Variants in KCNQ1 observed in about 807,000 individuals in gnomAD.
KCNQ1 encodes potassium voltage-gated channel subfamily KQT member 1.
A neutral mutation model predicts 72.4 loss-of-function variants in KCNQ1; 49 were observed. The ratio of observed to expected loss-of-function variants is 0.68; its 90% CI spans 0.54 to 0.86. The LOEUF is 0.86. KCNQ1 is among the 40% of genes least tolerant of loss of function. The pLI is 0.00. For missense variants in KCNQ1, 790 were observed against 945.1 expected, an observed-to-expected ratio of 0.84 and a Z score of 2.15; for synonymous variants, 450 against 412.6, an observed-to-expected ratio of 1.09 and a Z score of -1.10.
Position 2,808,088 on chromosome 11 carries a change from G to A in KCNQ1, c.1794+30051G>A, listed in dbSNP as rs191485053. On this transcript the variant is annotated intron_variant, in intron 15 of 15. Transcript: ENST00000155840. This position sits in a 1 kb window ranked among gnomAD's most constrained non-coding sequence, Gnocchi z 6.0. The stretch of plus-strand genomic sequence containing the variant: ...TGGCAAGTGAAGGCGGCTGCTTCCC[G>A]CCCCTCTCATGGACACCACTGTGGG... Among the ~76,000 whole-genome samples, 114 of 152,308 alleles carry A rather than the reference G, an allele frequency of 7.5e-4. No individual in the cohort carries two copies. Among genetic ancestry groups the A allele is most frequent in the Non-Finnish European group, 1.3e-3 (87 of 68,022 alleles).
intron 15 of KCNQ1, among the ~76,000 whole-genome samples, chr11:2,825,513 G>T (rs761168902): frequency 6.6e-6 from 1 of 152,226 alleles, no homozygotes; most frequent in Non-Finnish European, 1.5e-5. Context: ...CAGGGGCCCC[G>T]CCCATGTGCC....
rs1340167151 is a variant in KCNQ1, at chr11:2,572,776, T to G, written c.781-70T>G. 7 of 1,602,656 alleles carry G rather than the reference T, an allele frequency of 4.4e-6. No homozygotes were observed. The East Asian group carries it at 1.3e-4, about 31-fold the overall frequency. On this transcript the variant is annotated intron_variant, in intron 5 of 15. Coordinates refer to ENST00000155840, the MANE Select transcript of KCNQ1 (RefSeq NM_000218.3). Reference sequence around the variant, plus strand: ...CCAGTGATCGCTGGGACTCGCTGCCTTAGGCGTCTGCACAGGAGGCTCCCA... The same window carrying G: ...CCAGTGATCGCTGGGACTCGCTGCCGTAGGCGTCTGCACAGGAGGCTCCCA...
intron 8 of KCNQ1, 119 bp from the exon 9 acceptor site, chr11:2,587,451 C>T (rs1848607336): frequency 1.4e-6 from 2 of 1,449,388 alleles, no homozygotes; most frequent in Admixed American, 3.5e-5. Context: ...GGTCCCAGAC[C>T]CTGCCACCCA....
At chr11:2,733,802 ACACACACACACACTCTCT>A (rs1845895328) in intron 11 of KCNQ1, among the ~76,000 whole-genome samples, 1 of 63,822 alleles carries the variant, frequency 1.6e-5, no homozygotes, top group Non-Finnish European at 3.2e-5. Context: ...ACACACACAC[ACACACACACACACTCTCT>A]CACTCTCTCT....
In KCNQ1 at chr11:2,848,819, G is replaced by A. The variant is rs1412503336; in HGVS notation, c.*816G>A. ...GGACTGCCACCTCCCCTTGCCAGCT[G>A]CTGAGCCGCAGAGAAGTGACGGTTC... On this transcript the variant is annotated 3_prime_UTR_variant, in exon 16 of 16. Transcript: ENST00000155840. The A allele has an allele frequency of 2.2e-6, 1 of 454,176 alleles. No individual in the cohort carries two copies. The highest frequency in any genetic ancestry group is 4.4e-6 in the Non-Finnish European group (1 of 226,794). The allele number at this position is 454,176 out of a possible 1,614,324, so 28.1% of individuals were successfully genotyped here.
intron 1 of KCNQ1, among the ~76,000 whole-genome samples, chr11:2,449,433 G>A (rs1014647185): frequency 6.6e-6 from 1 of 152,242 alleles, no homozygotes; most frequent in Non-Finnish European, 1.5e-5. Flanking sequence ...GGGTACCGAT[G>A]GGATGAACTT....
In KCNQ1 at chr11:2,722,035, T is replaced by C. The variant is rs2283207; in HGVS notation, c.1515-46809T>C. Among the ~76,000 whole-genome samples, 1,772 of 152,228 alleles carry C rather than the reference T, an allele frequency of 0.012. 56 individuals carry two copies. The East Asian group carries it at 0.13, about 11-fold the overall frequency. On this transcript the variant is annotated intron_variant, in intron 11 of 15. Coordinates refer to ENST00000155840, the MANE Select transcript of KCNQ1 (RefSeq NM_000218.3). ...ACATGCCGAGCTTTCCTGTCCTCCA[T>C]TTGGTGGCCGCCTCACCTCCATGGG...
At chr11:2,771,420 ATGT>A (rs1846597227) in intron 12 of KCNQ1, 1 of 152,306 alleles carries the variant, frequency 6.6e-6, no homozygotes, top group East Asian at 1.9e-4. Context: ...CTGCAATTTC[ATGT>A]TGTTGGAGCA....
rs1388579983 is a variant in KCNQ1, at chr11:2,642,715, GGTTT to G, written c.1394-19242_1394-19239del. On this transcript the variant is annotated intron_variant, in intron 10 of 15. Coordinates refer to ENST00000155840, the MANE Select transcript of KCNQ1 (RefSeq NM_000218.3). This position sits in a 1 kb window ranked among gnomAD's most constrained non-coding sequence, Gnocchi z 4.3. Reference sequence around the variant, plus strand: ...CTTCTACTAATTTTATGTTTAGTATGGTTTGTTCTTGCTTTTCTGGTTCCTTCAG... The same window carrying G: ...CTTCTACTAATTTTATGTTTAGTATGGTTCTTGCTTTTCTGGTTCCTTCAG... The G allele has an allele frequency of 1.0e-5, 4 of 397,500 alleles. No individual in the cohort carries two copies. The highest frequency in any genetic ancestry group is 1.8e-5 in the Non-Finnish European group (4 of 225,600). 24.6% of individuals were successfully genotyped at this position (397,500 alleles called of 1,614,324 possible).
Position 2,446,270 on chromosome 11 carries a change from G to T in KCNQ1, c.386+786G>T, listed in dbSNP as rs1040864046. ...AGTCACCTCCGGGAAGGTCCAGGCT[G>T]CTCTCCTCCATGCCTGCCTGGGGCC... On this transcript the variant is annotated intron_variant, in intron 1 of 15. Coordinates refer to ENST00000155840, the MANE Select transcript of KCNQ1 (RefSeq NM_000218.3). This position sits in a 1 kb window ranked among gnomAD's most constrained non-coding sequence, Gnocchi z 8.8. Among the ~76,000 whole-genome samples the T allele has an allele frequency of 6.6e-6, 1 of 152,210 alleles. No homozygotes were observed. The highest frequency in any genetic ancestry group is 2.4e-5 in the African/African-American group (1 of 41,458).
At chr11:2,615,607 C>A (rs556431046) in intron 10 of KCNQ1, 3 of 397,904 alleles carry the variant, frequency 7.5e-6, no homozygotes, top group South Asian at 2.6e-4. Context: ...AGAATTTTGT[C>A]AAATGCTTGT....
At chr11:2,834,000 C>A (rs551999420) in intron 15 of KCNQ1, among the ~76,000 whole-genome samples, 1 of 152,224 alleles carries the variant, frequency 6.6e-6, no homozygotes, top group African/African-American at 2.4e-5. Flanking sequence ...CAGAACCCCA[C>A]TTAGCCACAA....
chr11:2,651,985 T>C lies in KCNQ1; in HGVS notation c.1394-9976T>C. ...GGAGCCAAGCTGAGTTGATTACTTTTGACATCAGTTGTTAACATAATTTTG... is the reference window on the plus strand; with the variant it reads ...GGAGCCAAGCTGAGTTGATTACTTTCGACATCAGTTGTTAACATAATTTTG... On this transcript the variant is annotated intron_variant, in intron 10 of 15. Transcript: ENST00000155840. The surrounding 1 kb of genome is among the most constrained non-coding windows in gnomAD (Gnocchi z 6.1). 2.5e-6 allele frequency: 1 copy of C among 398,696 alleles called. No individual in the cohort carries two copies. Among genetic ancestry groups the C allele is most frequent in the East Asian group, 3.6e-5 (1 of 28,078 alleles). 24.7% of individuals were successfully genotyped at this position (398,696 alleles called of 1,614,324 possible).
Position 2,700,635 on chromosome 11 carries a change from C to T in KCNQ1, c.1514+38554C>T, listed in dbSNP as rs192954455. Among the ~76,000 whole-genome samples, 935 of 152,220 alleles carry T rather than the reference C, an allele frequency of 6.1e-3. 24 individuals are homozygous for T. Among genetic ancestry groups the T allele is most frequent in the Admixed American group, 0.041 (631 of 15,314 alleles). Reference sequence around the variant, plus strand: ...GCTGTGCCTGGAACACCCGTGTCTGCCGCTCACCCCTGAGGACTTGGGACC... The same window carrying T: ...GCTGTGCCTGGAACACCCGTGTCTGTCGCTCACCCCTGAGGACTTGGGACC... On this transcript the variant is annotated intron_variant, in intron 11 of 15. Coordinates refer to ENST00000155840, the MANE Select transcript of KCNQ1 (RefSeq NM_000218.3).
chr11:2,565,459 A>T lies in KCNQ1; in HGVS notation c.478-5169A>T, dbSNP rs772714407. Among the ~76,000 whole-genome samples the T allele has an allele frequency of 6.6e-6, 1 of 152,138 alleles. No homozygotes were observed. The highest frequency in any genetic ancestry group is 1.5e-5 in the Non-Finnish European group (1 of 68,024). On this transcript the variant is annotated intron_variant, in intron 2 of 15. Coordinates refer to ENST00000155840, the MANE Select transcript of KCNQ1 (RefSeq NM_000218.3). This position sits in a 1 kb window ranked among gnomAD's most constrained non-coding sequence, Gnocchi z 5.6. ...TGTCCAAGCCCTTTGCCTATTTTTT[A>T]AAAATTGAGTTGTTAGGAACTTTGG...
chr11:2,531,475 G>A (rs1847629376), intron 2 of KCNQ1, among the ~76,000 whole-genome samples: 1 of 152,150 alleles, frequency 6.6e-6, no homozygotes, highest in Non-Finnish European at 1.5e-5. Context: ...ACACAGTGCT[G>A]AGCTGTGCCC....
intron 2 of KCNQ1, among the ~76,000 whole-genome samples, chr11:2,551,843 G>A (rs1239184953): frequency 6.6e-6 from 1 of 152,204 alleles, no homozygotes; most frequent in Non-Finnish European, 1.5e-5. Context: ...CATTTCCCTA[G>A]TGACGAATGG....
intron 11 of KCNQ1, among the ~76,000 whole-genome samples, chr11:2,742,601 G>A (rs1249598900): frequency 2.0e-5 from 3 of 152,216 alleles, no homozygotes; most frequent in Non-Finnish European, 2.9e-5. Context: ...CCTGGCAGGG[G>A]AATGTTTACC....
chr11:2,597,095 T>C (rs1227034858), intron 10 of KCNQ1, among the ~76,000 whole-genome samples: 1 of 152,188 alleles, frequency 6.6e-6, no homozygotes, highest in Non-Finnish European at 1.5e-5. Context: ...GAAAATATGC[T>C]GGATGACTTC....
Sources: gnomAD v4.1 joint callset for allele counts (sites outside exome capture counted in the v4.1 genomes callset) on GRCh38, gnomAD v4.1.1 for gene constraint, Gnocchi (gnomAD v3.1) non-coding constraint, MANE v1.5 for transcripts, NCBI Gene and HGNC (gene_info 2026-07-23, HGNC 2026-07-21) for gene names.